Variants in IBTK observed in about 807,000 individuals in gnomAD.
The protein encoded by IBTK is inhibitor of Bruton tyrosine kinase, also known as BTK-binding protein.
Under a neutral mutation model 154.9 loss-of-function variants are expected in IBTK, and 83 were observed. The ratio of observed to expected loss-of-function variants is 0.54; its 90% CI spans 0.45 to 0.64. The LOEUF is 0.64. Among genes scored for constraint, IBTK ranks in the 30% least tolerant of loss-of-function variants. IBTK has a pLI of 0.00. For missense variants in IBTK, 1,332 were observed against 1,584.6 expected (o/e 0.84, Z 2.71); for synonymous variants, 515 against 536.1 (o/e 0.96, Z 0.54).
At chr6:82,243,102 G>A (rs1400145028) in intron 1 of IBTK, among the ~76,000 whole-genome samples, 2 of 150,854 alleles carry the variant, frequency 1.3e-5, no homozygotes, top group South Asian at 2.1e-4. Context: ...TTAGCCGGGT[G>A]TGGTGGCGGG....
intron 18 of IBTK, among the ~76,000 whole-genome samples, chr6:82,201,863 TACC>T (rs1475054322): frequency 6.6e-6 from 1 of 152,086 alleles, no homozygotes; most frequent in African/African-American, 2.4e-5. Context: ...TGGCTGAGAC[TACC>T]AGGCACACAC....
chr6:82,190,249 G>A (rs1158959914), intron 25 of IBTK, among the ~76,000 whole-genome samples: 1 of 152,024 alleles, frequency 6.6e-6, no homozygotes, highest in African/African-American at 2.4e-5. Flanking sequence ...TTTTAATTGA[G>A]AAAAATATTC....
At chr6:82,192,062 T>A (rs1239371674) in intron 23 of IBTK, among the ~76,000 whole-genome samples, 183 bp from the exon 24 acceptor site, 1 of 152,150 alleles carries the variant, frequency 6.6e-6, no homozygotes, top group South Asian at 2.1e-4. Flanking sequence ...TACACATATA[T>A]AAATATTAAC....
At chr6:82,221,065 G>A (rs1439202551) in intron 8 of IBTK, among the ~76,000 whole-genome samples, 2 of 151,888 alleles carry the variant, frequency 1.3e-5, no homozygotes, top group Non-Finnish European at 2.9e-5. Flanking sequence ...AGTGGCTCCC[G>A]CCTGTAATCC....
At chr6:82,235,704 A>G (rs1441244243) in intron 2 of IBTK, among the ~76,000 whole-genome samples, 1 of 152,182 alleles carries the variant, frequency 6.6e-6, no homozygotes, top group Non-Finnish European at 1.5e-5. Context: ...CTTATTTATA[A>G]TTTGACAGTT....
intron 1 of IBTK, among the ~76,000 whole-genome samples, chr6:82,243,697 G>T (rs1467570990): frequency 2.6e-5 from 4 of 152,266 alleles, no homozygotes; most frequent in South Asian, 2.1e-4. Context: ...ACTATTTATT[G>T]TATGTGGCAA....
At chr6:82,199,387 A>C (rs1562083475) in intron 21 of IBTK, among the ~76,000 whole-genome samples, 1 of 152,166 alleles carries the variant, frequency 6.6e-6, no homozygotes, top group Non-Finnish European at 1.5e-5. Flanking sequence ...TTTTTCTTTC[A>C]TCTTTTCAGT....
chr6:82,172,364 T>C lies in IBTK; in HGVS notation c.3930+16A>G. 1 of 1,609,198 alleles carries C rather than the reference T, an allele frequency of 6.2e-7. No individual in the cohort carries two copies. The highest frequency in any genetic ancestry group is 1.3e-5 in the African/African-American group (1 of 74,738). Reference sequence around the variant, plus strand: ...AGTTCTTCTCTAAATTAAACCCTACTAAGTATGTTATTTACCTGAATCAGA... The same window carrying C: ...AGTTCTTCTCTAAATTAAACCCTACCAAGTATGTTATTTACCTGAATCAGA... On this transcript the variant is annotated intron_variant, in intron 28 of 28. Coordinates refer to ENST00000306270, the MANE Select transcript of IBTK (RefSeq NM_015525.4).
chr6:82,240,296 T>C lies in IBTK; in HGVS notation c.191A>G (p.Lys64Arg). 1 of 1,614,238 alleles carries C rather than the reference T, an allele frequency of 6.2e-7. No homozygotes were observed. The highest frequency in any genetic ancestry group is 8.5e-7 in the Non-Finnish European group (1 of 1,180,048). ...AATAAGCCAATCTAACACTCCTTTC[T>C]TTCCACAGGAGGAAACAAGGTGGAG... ...NALHLVSSCG[K>R]KGVLDWLIQK... The change falls in exon 2 of 29, where the codon AAG becomes AGG. Residue 64 changes from lysine to arginine, a missense_variant. Physicochemically the swap from Lys to Arg is conservative, Grantham distance 26 (BLOSUM62 2). Transcript: ENST00000306270.
At chr6:82,219,460 T>C (rs1770009932) in intron 9 of IBTK, among the ~76,000 whole-genome samples, 1 of 152,116 alleles carries the variant, frequency 6.6e-6, no homozygotes, top group African/African-American at 2.4e-5. Context: ...AACCAGAAAG[T>C]TATCTGTGTT....
chr6:82,233,877 T>C (rs2127826110), intron 3 of IBTK, among the ~76,000 whole-genome samples: 1 of 151,962 alleles, frequency 6.6e-6, no homozygotes, highest in South Asian at 2.1e-4. Flanking sequence ...GTAACTAGGA[T>C]TGCCTGCTAC....
chr6:82,175,443 A>G (rs1227109325), intron 26 of IBTK, among the ~76,000 whole-genome samples: 2 of 152,208 alleles, frequency 1.3e-5, no homozygotes, highest in Non-Finnish European at 2.9e-5. Flanking sequence ...CTACAATTCC[A>G]TAACTTTTTC....
chr6:82,190,990 G>T, intron 25 of IBTK, 83 bp downstream of exon 25: 2 of 957,722 alleles, frequency 2.1e-6, no homozygotes, highest in Non-Finnish European at 2.9e-6. Flanking sequence ...AACACTGGAA[G>T]TGGGAAGGAA....
chr6:82,214,445 T>C lies in IBTK; in HGVS notation c.1986A>G (p.Gly662=). 1 of 1,613,954 alleles carries C rather than the reference T, an allele frequency of 6.2e-7. No individual in the cohort carries two copies. Among genetic ancestry groups the C allele is most frequent in the South Asian group, 1.1e-5 (1 of 91,076 alleles). ...HLNKNPEEYQ[G]TLNSHLNKVN... ...CTTTATTCAAATGAGAATTCAGAGTTCCCTGATATTCTTCTGGGTTTTTGT... is the reference window on the plus strand; with the variant it reads ...CTTTATTCAAATGAGAATTCAGAGTCCCCTGATATTCTTCTGGGTTTTTGT... Residue 662 remains glycine, a synonymous_variant, in exon 12 of 29, where the codon GGA becomes GGG. Transcript: ENST00000306270.
intron 16 of IBTK, among the ~76,000 whole-genome samples, chr6:82,210,024 G>T (rs926832682): frequency 1.3e-5 from 2 of 152,090 alleles, no homozygotes; most frequent in Admixed American, 1.3e-4. Context: ...TACAGCTGGG[G>T]TTAAAAAAAA....
At chr6:82,203,411 C>T (rs1260519843) in intron 17 of IBTK, among the ~76,000 whole-genome samples, 1 of 152,178 alleles carries the variant, frequency 6.6e-6, no homozygotes, top group East Asian at 1.9e-4. Flanking sequence ...TTGTTTTCTA[C>T]ATCTGGCTTC....
chr6:82,238,357 T>C (rs903255362), intron 2 of IBTK, among the ~76,000 whole-genome samples: 1 of 152,162 alleles, frequency 6.6e-6, no homozygotes, highest in East Asian at 1.9e-4. Context: ...TTGGGGTGTA[T>C]TTCAAAACGC....
chr6:82,221,305 T>TAG (rs747386983), intron 8 of IBTK, among the ~76,000 whole-genome samples: 4 of 152,072 alleles, frequency 2.6e-5, no homozygotes, highest in African/African-American at 7.2e-5. Flanking sequence ...GCCTGGGTGA[T>TAG]AGAGAGAGAC....
intron 17 of IBTK, among the ~76,000 whole-genome samples, chr6:82,203,539 T>C (rs1026599077): frequency 1.3e-5 from 2 of 152,136 alleles, no homozygotes; most frequent in East Asian, 1.9e-4. Context: ...AACAGAGAAA[T>C]TGAAGAAATG....
Sources: allele counts gnomAD v4.1 joint callset (sites outside exome capture counted in the v4.1 genomes callset), GRCh38; gene constraint gnomAD v4.1.1; transcripts MANE v1.5; gene names NCBI Gene and HGNC (gene_info 2026-07-23, HGNC 2026-07-21).